The following PHC3 variants were observed in gnomAD, a reference collection of about 807,000 sequenced individuals.
PHC3 encodes polyhomeotic-like protein 3.
Under a neutral mutation model 107.4 loss-of-function variants are expected in PHC3, and 13 were observed. The ratio of observed to expected loss-of-function variants is 0.12; its 90% CI spans 0.08 to 0.19. The LOEUF (loss-of-function observed/expected upper bound fraction) is 0.19. Ranked by LOEUF, PHC3 falls within the 10% of genes least tolerant of loss-of-function variation. PHC3 has a pLI of 1.00. For synonymous variants in PHC3, 456 were observed against 427.4 expected (o/e 1.07, Z -0.83); for missense variants, 992 against 1,210.9 (o/e 0.82, Z 2.68).
chr3:170,170,936 T>C (rs1729491496), intron 4 of PHC3: 2 of 165,016 alleles, frequency 1.2e-5, no homozygotes, highest in South Asian at 3.9e-4. Flanking sequence ...TACTTGCAAA[T>C]TGAACCCAAA....
intron 8 of PHC3, among the ~76,000 whole-genome samples, chr3:170,123,820 G>A (rs930563084): frequency 6.6e-6 from 1 of 151,750 alleles, no homozygotes; most frequent in South Asian, 2.1e-4. Flanking sequence ...AAATGGAATC[G>A]AAGGCACCCT....
chr3:170,138,077 C>A (rs1188005179), intron 6 of PHC3, among the ~76,000 whole-genome samples: 2 of 152,158 alleles, frequency 1.3e-5, no homozygotes, highest in African/African-American at 4.8e-5. Flanking sequence ...TGCCTGTAAT[C>A]CCAGCTACTC....
intron 11 of PHC3, among the ~76,000 whole-genome samples, chr3:170,109,365 G>A (rs6444897): frequency 0.29 from 43,875 of 151,898 alleles, 6,457 homozygotes; most frequent in East Asian, 0.49. Flanking sequence ...CCATCTCATT[G>A]GTTAGAATGT....
chr3:170,151,133 C>A (rs943220459), intron 4 of PHC3, among the ~76,000 whole-genome samples: 3 of 152,034 alleles, frequency 2.0e-5, no homozygotes, highest in Non-Finnish European at 4.4e-5. Context: ...ATCGCTTGAA[C>A]CCGGGAGGCG....
chr3:170,094,901 T>G lies in PHC3; in HGVS notation c.*2329A>C, dbSNP rs1306514096. On this transcript the variant is annotated 3_prime_UTR_variant, in exon 15 of 15. Coordinates refer to ENST00000495893, the MANE Select transcript of PHC3 (RefSeq NM_024947.4). ...GGCTGCTATTAGGAAAGAGAACAAA[T>G]AAAAGGAGAGCCTACAACACAGTTC... The G allele has an allele frequency of 2.0e-5, 3 of 152,000 alleles. No individual in the cohort carries two copies. Among genetic ancestry groups the G allele is most frequent in the Non-Finnish European group, 4.4e-5 (3 of 67,994 alleles). 9.4% of individuals were successfully genotyped at this position (152,000 alleles called of 1,614,324 possible). A position where few individuals can be genotyped will look rare whatever the true frequency, so the allele number is the denominator to read the frequency against.
intron 4 of PHC3, among the ~76,000 whole-genome samples, chr3:170,165,090 CTAGA>C (rs1728510495): frequency 6.6e-6 from 1 of 152,204 alleles, no homozygotes; most frequent in East Asian, 1.9e-4. Context: ...CCTATTCCTT[CTAGA>C]TAGAGAGGCT....
chr3:170,148,919 A>C (rs1040645896), intron 5 of PHC3, 167 bp downstream of exon 5: 8 of 573,070 alleles, frequency 1.4e-5, no homozygotes, highest in African/African-American at 7.4e-5. Context: ...TAAAAGTAGA[A>C]TCTTTCATGA....
chr3:170,132,968 C>A (rs1722492083), intron 7 of PHC3, among the ~76,000 whole-genome samples: 1 of 152,026 alleles, frequency 6.6e-6, no homozygotes, highest in Admixed American at 6.6e-5. Flanking sequence ...GAAACTCCAC[C>A]TTCAAAAAGA....
chr3:170,120,587 T>C (rs1481291488), intron 9 of PHC3, among the ~76,000 whole-genome samples: 1 of 151,654 alleles, frequency 6.6e-6, no homozygotes, highest in Non-Finnish European at 1.5e-5. Flanking sequence ...AAAAAAACAA[T>C]AATATAAAAC....
chr3:170,139,085 T>C (rs1723619083), intron 6 of PHC3, among the ~76,000 whole-genome samples: 1 of 152,218 alleles, frequency 6.6e-6, no homozygotes, highest in African/African-American at 2.4e-5. Context: ...TACTGGCCTA[T>C]AGCACAGATG....
chr3:170,158,875 C>T (rs1178470393), intron 4 of PHC3, among the ~76,000 whole-genome samples: 1 of 149,550 alleles, frequency 6.7e-6, no homozygotes, highest in Admixed American at 6.7e-5. Context: ...TGCAATAAGC[C>T]ATATTAGCAC....
intron 4 of PHC3, among the ~76,000 whole-genome samples, chr3:170,161,384 G>A (rs917392443): frequency 1.3e-5 from 2 of 152,200 alleles, no homozygotes; most frequent in Admixed American, 6.5e-5. Flanking sequence ...TCTGGCACCA[G>A]GGATCGGTTT....
chr3:170,137,850 A>T (rs773306425), intron 6 of PHC3, among the ~76,000 whole-genome samples: 1 of 152,070 alleles, frequency 6.6e-6, no homozygotes, highest in Non-Finnish European at 1.5e-5. Context: ...AGTGAGCCAG[A>T]TGGCACCACT....
In PHC3 at chr3:170,097,478, G is replaced by T; in HGVS notation, c.2834-94C>A. On this transcript the variant is annotated intron_variant, in intron 14 of 14. Coordinates refer to ENST00000495893, the MANE Select transcript of PHC3 (RefSeq NM_024947.4). The surrounding 1 kb of genome is among the most constrained non-coding windows in gnomAD (Gnocchi z 4.1). Reference sequence around the variant, plus strand: ...ACAGTTATGCTCTCACTGGGTCTGAGAATCTGAAATACAGGCTGAGAAACA... The same window carrying T: ...ACAGTTATGCTCTCACTGGGTCTGATAATCTGAAATACAGGCTGAGAAACA... 8.2e-7 allele frequency: 1 copy of T among 1,214,696 alleles called. No homozygotes were observed. The highest frequency in any genetic ancestry group is 1.1e-6 in the Non-Finnish European group (1 of 905,560). 75.2% of individuals were successfully genotyped at this position (1,214,696 alleles called of 1,614,324 possible).
intron 4 of PHC3, among the ~76,000 whole-genome samples, chr3:170,164,591 A>G (rs1054042571): frequency 6.6e-6 from 1 of 152,306 alleles, no homozygotes; most frequent in African/African-American, 2.4e-5. Flanking sequence ...TTACATATAA[A>G]ATAAACCTCA....
At chr3:170,144,912 G>A (rs1724705817) in intron 6 of PHC3, among the ~76,000 whole-genome samples, 1 of 152,074 alleles carries the variant, frequency 6.6e-6, no homozygotes, top group African/African-American at 2.4e-5. Flanking sequence ...TTACTATTTT[G>A]CCCAGGCTGG....
intron 6 of PHC3, among the ~76,000 whole-genome samples, chr3:170,139,120 C>T (rs1372077664): frequency 6.6e-6 from 1 of 152,188 alleles, no homozygotes. Context: ...TTTAGAATTA[C>T]TAAATGTATG....
chr3:170,165,476 G>T (rs1321292522), intron 4 of PHC3, among the ~76,000 whole-genome samples: 5 of 152,192 alleles, frequency 3.3e-5, no homozygotes, highest in African/African-American at 1.2e-4. Context: ...ATGAAGGCTG[G>T]GCACAGTGGC....
At chr3:170,117,522 T>C in intron 9 of PHC3, 46 bp from the exon 10 acceptor site, 1 of 1,560,744 alleles carries the variant, frequency 6.4e-7, no homozygotes, top group Non-Finnish European at 8.7e-7. Context: ...TTTAGCATTT[T>C]GCCCAAGCAA....
Sources: allele counts gnomAD v4.1 joint callset (sites outside exome capture counted in the v4.1 genomes callset), GRCh38; gene constraint gnomAD v4.1.1; non-coding constraint Gnocchi (gnomAD v3.1); transcripts MANE v1.5; gene names NCBI Gene and HGNC (gene_info 2026-07-23, HGNC 2026-07-21).